The following NEB variants were observed in gnomAD, a reference collection of about 807,000 sequenced individuals.
The protein encoded by NEB is nemaline myopathy type 2.
NEB carries 512 observed loss-of-function variants against 952.2 expected under a neutral mutation model. The ratio of observed to expected loss-of-function variants is 0.54; its 90% CI spans 0.50 to 0.58. The LOEUF (loss-of-function observed/expected upper bound fraction) is 0.58. Among genes scored for constraint, NEB ranks in the 20% least tolerant of loss-of-function variants. The probability of loss-of-function intolerance (pLI) is 0.00; values close to 1 mark genes in which losing one functional copy is unlikely to be tolerated. For missense variants in NEB, 8,428 were observed against 9,231.1 expected, an observed-to-expected ratio of 0.91 and a Z score of 3.56; for synonymous variants, 2,900 against 3,149.8, an observed-to-expected ratio of 0.92 and a Z score of 2.66.
chr2:151,537,275 T>C, intron 140 of NEB, 39 bp from the exon 141 acceptor site: 6 of 1,246,538 alleles, frequency 4.8e-6, no homozygotes, highest in Non-Finnish European at 7.1e-6. Flanking sequence ...TAAGAAGCCA[T>C]CTCCAAACAG....
Position 151,508,067 on chromosome 2 carries a change from C to T in NEB, c.23389G>A (p.Glu7797Lys). Reference protein sequence around the residue: ...EDAEKSMSYYETVLDTPEIQR... With the variant: ...EDAEKSMSYYKTVLDTPEIQR... ...ATCTCTGGGGTGTCCAAAACAGTCTCATAATACGACATGGACTTCTCAGCA... is the reference window on the plus strand; with the variant it reads ...ATCTCTGGGGTGTCCAAAACAGTCTTATAATACGACATGGACTTCTCAGCA... Residue 7797 changes from glutamate (E) to lysine (K), a missense_variant, in exon 162 of 182, where the codon GAG becomes AAG. Coordinates refer to ENST00000397345, the MANE Select transcript of NEB (RefSeq NM_001164508.2). 2 of 1,610,578 alleles carry T rather than the reference C, an allele frequency of 1.2e-6. No individual in the cohort carries two copies. Among genetic ancestry groups the T allele is most frequent in the Non-Finnish European group, 1.7e-6 (2 of 1,178,280 alleles).
chr2:151,544,318 T>G (rs1466489688), intron 135 of NEB, among the ~76,000 whole-genome samples: 1 of 152,202 alleles, frequency 6.6e-6, no homozygotes, highest in Non-Finnish European at 1.5e-5. Flanking sequence ...GCACTATAAG[T>G]TACCAATTGT....
At chr2:151,547,558 A>T (rs368242921) in intron 132 of NEB, 25 bp from the exon 133 acceptor site, 1 of 1,599,006 alleles carries the variant, frequency 6.3e-7, no homozygotes, top group East Asian at 2.2e-5. Flanking sequence ...ATACCCCAAA[A>T]CATATGTATT....
chr2:151,627,366 T>C (rs2098546233), intron 69 of NEB, among the ~76,000 whole-genome samples, 157 bp downstream of exon 69: 1 of 152,206 alleles, frequency 6.6e-6, no homozygotes, highest in Admixed American at 6.5e-5. Flanking sequence ...TTACTTTCTT[T>C]CTCTCCAAAA....
At position 151,727,808 on chromosome 2, in the gene NEB, C is replaced by T. The variant is rs200990309; in HGVS notation, c.177G>A (p.Gln59=). ...TCTCCACCGGCTTTGCTGATGCTGG[C>T]TGTGCCAGTGCTGGCTGTGCCAGAG... ...KPALAQPALA[Q]PASAKPVERR... Residue 59 remains glutamine (Q), a synonymous_variant, in exon 5 of 182, where the codon CAG becomes CAA. Transcript: ENST00000397345. The T allele has an allele frequency of 1.1e-3, 1,838 of 1,599,154 alleles. 1 individual carries two copies. The highest frequency in any genetic ancestry group is 3.2e-3 in the Admixed American group (189 of 59,346).
intron 9 of NEB, among the ~76,000 whole-genome samples, chr2:151,722,730 G>A (rs972806667): frequency 2.6e-5 from 4 of 152,010 alleles, no homozygotes; most frequent in Non-Finnish European, 4.4e-5. Flanking sequence ...AATATATTTT[G>A]TAGAGATGAG....
At chr2:151,627,256 ATTTC>A in intron 69 of NEB, 51 bp from the exon 70 acceptor site, 2 of 1,561,030 alleles carry the variant, frequency 1.3e-6, no homozygotes, top group Non-Finnish European at 1.7e-6. Context: ...TTTTAACATG[ATTTC>A]AAAAATAAAA....
chr2:151,615,408 C>T (rs187757470), intron 76 of NEB, among the ~76,000 whole-genome samples: 4 of 152,210 alleles, frequency 2.6e-5, no homozygotes, highest in African/African-American at 7.2e-5. Context: ...GGAGGTGTTT[C>T]GCATGTGAAG....
intron 146 of NEB, 48 bp from the exon 147 acceptor site, chr2:151,527,633 T>G: frequency 7.3e-7 from 1 of 1,369,814 alleles, no homozygotes; most frequent in Admixed American, 1.9e-5. Context: ...GTAGGCTAAA[T>G]TCATAAACAC....
At chr2:151,682,607 G>A in intron 29 of NEB, 55 bp downstream of exon 29, 1 of 1,403,510 alleles carries the variant, frequency 7.1e-7, no homozygotes, top group Non-Finnish European at 9.9e-7. Context: ...ATGCTTTTGA[G>A]AGCTTTAACA....
intron 176 of NEB, chr2:151,493,025 T>C (rs1459749955): frequency 7.6e-6 from 2 of 262,482 alleles, no homozygotes; most frequent in African/African-American, 2.3e-5. Context: ...GAGCAGAAGA[T>C]TGAGGATGTT....
intron 77 of NEB, among the ~76,000 whole-genome samples, chr2:151,613,459 C>A (rs2098087024): frequency 6.6e-6 from 1 of 152,222 alleles, no homozygotes; most frequent in Non-Finnish European, 1.5e-5. Context: ...GTAACATCTT[C>A]ATTTTCATTA....
chr2:151,533,415 C>T (rs2092284019), intron 143 of NEB, 27 bp downstream of exon 143: 1 of 1,463,158 alleles, frequency 6.8e-7, no homozygotes, highest in Non-Finnish European at 9.4e-7. Context: ...TTCTAAACCT[C>T]CTTCTTCACA....
Position 151,627,018 on chromosome 2 carries a change from G to T in NEB, c.10331C>A (p.Ala3444Asp). 6.2e-7 allele frequency: 1 copy of T among 1,613,896 alleles called. No homozygotes were observed. The highest frequency in any genetic ancestry group is 8.5e-7 in the Non-Finnish European group (1 of 1,179,850). The change falls in exon 70 of 182, where the codon GCT becomes GAT. Residue 3444 changes from alanine to aspartate, a missense_variant. Ala to Asp is a moderately radical substitution (Grantham distance 126, BLOSUM62 -2). Around this residue, in one of 11 missense-constraint regions of NEB, gnomAD observed 1,772 missense variants for 1,960.3 expected, o/e 0.90. Transcript: ENST00000397345. ...GGGGCTCACCTTGTTCATATTGAGA[G>T]CATTGTTCTTGGCCAGCACCTGCTC... Reference protein sequence around the residue: ...SLEQVLAKNNALNMNKRLYTE... With the variant: ...SLEQVLAKNNDLNMNKRLYTE...
intron 54 of NEB, among the ~76,000 whole-genome samples, chr2:151,646,913 T>C (rs2098967088): frequency 6.6e-6 from 1 of 152,104 alleles, no homozygotes; most frequent in South Asian, 2.1e-4. Flanking sequence ...ATTACAGGTG[T>C]GAGCCACTGT....
chr2:151,707,088 T>C (rs2099709597), intron 12 of NEB, 91 bp from the exon 13 acceptor site: 2 of 786,460 alleles, frequency 2.5e-6, no homozygotes, highest in East Asian at 5.7e-5. Context: ...CACAAATCAA[T>C]TTTCTCTTTA....
At chr2:151,651,337 C>T (rs948976263) in intron 52 of NEB, among the ~76,000 whole-genome samples, 3 of 152,118 alleles carry the variant, frequency 2.0e-5, no homozygotes, top group African/African-American at 7.2e-5. Context: ...TAATACAGCT[C>T]TTGTGATATT....
chr2:151,619,309 C>T lies in NEB; in HGVS notation c.10872+142G>A, dbSNP rs192910192. On this transcript the variant is annotated intron_variant, in intron 73 of 181. Coordinates refer to ENST00000397345, the MANE Select transcript of NEB (RefSeq NM_001164508.2). ...AGAAGAAAACAAATTGTAGTACCTCCAATGGGAAACTCCTTTCAGACATTT... is the reference window on the plus strand; with the variant it reads ...AGAAGAAAACAAATTGTAGTACCTCTAATGGGAAACTCCTTTCAGACATTT... 13 of 935,190 alleles carry T rather than the reference C, an allele frequency of 1.4e-5. No individual in the cohort carries two copies. In the East Asian group the frequency reaches 3.4e-4, roughly 24 times the overall value. 57.9% of individuals were successfully genotyped at this position (935,190 alleles called of 1,614,324 possible).
intron 63 of NEB, among the ~76,000 whole-genome samples, chr2:151,637,340 C>A (rs79167650): frequency 6.6e-6 from 1 of 152,218 alleles, no homozygotes; most frequent in East Asian, 1.9e-4. Flanking sequence ...CAAGGCACCA[C>A]TGTGGAGGGG....
Sources: gnomAD v4.1 joint callset for allele counts (sites outside exome capture counted in the v4.1 genomes callset) on GRCh38, gnomAD v4.1.1 for gene constraint, gnomAD v4.1.1 regional missense constraint, MANE v1.5 for transcripts, NCBI Gene and HGNC (gene_info 2026-07-23, HGNC 2026-07-21) for gene names.